The following PRUNE2 variants were observed in gnomAD, a reference collection of about 807,000 sequenced individuals.
PRUNE2 encodes the protein protein prune homolog 2.
PRUNE2 carries 164 observed loss-of-function variants against 252.0 expected under a neutral mutation model. The ratio of observed to expected loss-of-function variants is 0.65; its 90% CI spans 0.57 to 0.74. PRUNE2 has a LOEUF of 0.74. Ranked by LOEUF, PRUNE2 falls within the 30% of genes least tolerant of loss-of-function variation. The pLI, the probability that PRUNE2 is intolerant of heterozygous loss-of-function variation, is 0.00. For missense variants in PRUNE2, 3,495 were observed against 3,711.0 expected (o/e 0.94, Z 1.51); for synonymous variants, 1,292 against 1,350.2 (o/e 0.96, Z 0.94).
At chr9:76,838,906 C>T (rs2059223614) in intron 4 of PRUNE2, among the ~76,000 whole-genome samples, 1 of 152,126 alleles carries the variant, frequency 6.6e-6, no homozygotes, top group Non-Finnish European at 1.5e-5. Context: ...TCCTTTTATA[C>T]ACATGTTTTG....
intron 9 of PRUNE2, among the ~76,000 whole-genome samples, chr9:76,697,368 G>A (rs903899363): frequency 3.3e-5 from 5 of 152,234 alleles, no homozygotes; most frequent in African/African-American, 7.2e-5. Context: ...TTTGGAAAAC[G>A]TAAATGAACA....
chr9:76,640,427 A>G (rs1204692816), intron 12 of PRUNE2, among the ~76,000 whole-genome samples: 1 of 152,242 alleles, frequency 6.6e-6, no homozygotes, highest in Non-Finnish European at 1.5e-5. Flanking sequence ...AGTTGTATAC[A>G]GTATTTATAC....
intron 1 of PRUNE2, among the ~76,000 whole-genome samples, chr9:76,865,805 C>CTACACACACA (rs2060802773): frequency 9.3e-6 from 1 of 107,876 alleles, no homozygotes; most frequent in Admixed American, 9.1e-5. Context: ...CTCTCTCTCC[C>CTACACACACA]TACACACACA....
intron 6 of PRUNE2, among the ~76,000 whole-genome samples, chr9:76,730,910 A>G (rs921389719): frequency 6.6e-6 from 1 of 152,226 alleles, no homozygotes; most frequent in Admixed American, 6.5e-5. Context: ...TCAAAAAAAT[A>G]AAGAGACGAA....
chr9:76,837,025 A>T (rs760529181), intron 4 of PRUNE2, among the ~76,000 whole-genome samples: 7 of 152,258 alleles, frequency 4.6e-5, no homozygotes, highest in Non-Finnish European at 8.8e-5. Context: ...AAGACTAAAA[A>T]GATTCAAATA....
intron 10 of PRUNE2, among the ~76,000 whole-genome samples, chr9:76,654,349 C>G (rs1172254377): frequency 1.3e-5 from 2 of 152,146 alleles, no homozygotes; most frequent in Non-Finnish European, 2.9e-5. Context: ...TTTTTCTTTT[C>G]TGAATGGAAC....
At chr9:76,863,430 T>C (rs879828187) in intron 1 of PRUNE2, 9 of 152,236 alleles carry the variant, frequency 5.9e-5, no homozygotes, top group East Asian at 1.9e-4. Context: ...TATTTGTGAA[T>C]TTTTCTCTGT....
intron 6 of PRUNE2, among the ~76,000 whole-genome samples, chr9:76,797,413 T>C (rs1272966019): frequency 6.6e-6 from 1 of 152,208 alleles, no homozygotes; most frequent in Non-Finnish European, 1.5e-5. Flanking sequence ...TTAGTTTTCT[T>C]TTCTTGGTAA....
At chr9:76,830,667 A>G (rs1237947644) in intron 4 of PRUNE2, among the ~76,000 whole-genome samples, 1 of 148,898 alleles carries the variant, frequency 6.7e-6, no homozygotes, top group Non-Finnish European at 1.5e-5. Context: ...CAAAAAAAGA[A>G]AAAAAAAAAA....
chr9:76,865,511 A>G (rs1347383926), intron 1 of PRUNE2, among the ~76,000 whole-genome samples: 1 of 152,228 alleles, frequency 6.6e-6, no homozygotes, highest in Non-Finnish European at 1.5e-5. Flanking sequence ...GCCAACTGAG[A>G]TCCTCAGGCC....
At chr9:76,682,377 T>TG (rs2043554353) in intron 9 of PRUNE2, among the ~76,000 whole-genome samples, 1 of 150,928 alleles carries the variant, frequency 6.6e-6, no homozygotes, top group African/African-American at 2.4e-5. Flanking sequence ...TTTTTTTTTT[T>TG]TGAGTTGGAG....
At chr9:76,767,623 T>G (rs1189151322) in intron 6 of PRUNE2, among the ~76,000 whole-genome samples, 5 of 152,190 alleles carry the variant, frequency 3.3e-5, no homozygotes, top group African/African-American at 9.7e-5. Context: ...TTCCCTACCT[T>G]CTTTGTTGAC....
chr9:76,764,998 G>A (rs950210048), intron 6 of PRUNE2, among the ~76,000 whole-genome samples: 2 of 152,152 alleles, frequency 1.3e-5, no homozygotes, highest in Non-Finnish European at 2.9e-5. Flanking sequence ...AAAGTCAAAG[G>A]TTCTGTTTAG....
rs565732589 is a variant in PRUNE2, at chr9:76,799,750, A to G, written c.756+23882T>C. Among the ~76,000 whole-genome samples, 17 of 152,322 alleles carry G rather than the reference A, an allele frequency of 1.1e-4. No homozygotes were observed. In the South Asian group the frequency reaches 3.5e-3, roughly 32 times the overall value. ...TGTAGATATCTTTATAGATACCATAAAACTCTGTTTTGTTTAGTAGCAATT... is the reference window on the plus strand; with the variant it reads ...TGTAGATATCTTTATAGATACCATAGAACTCTGTTTTGTTTAGTAGCAATT... On this transcript the variant is annotated intron_variant, in intron 6 of 18. Transcript: ENST00000376718.
intron 6 of PRUNE2, among the ~76,000 whole-genome samples, chr9:76,789,687 G>C (rs1238312841): frequency 1.3e-5 from 2 of 152,208 alleles, no homozygotes; most frequent in Non-Finnish European, 2.9e-5. Context: ...ATGGCTGGGA[G>C]ACAGGGCTAT....
intron 6 of PRUNE2, among the ~76,000 whole-genome samples, chr9:76,747,091 G>A (rs1226367927): frequency 1.3e-5 from 2 of 152,156 alleles, no homozygotes; most frequent in Admixed American, 1.3e-4. Flanking sequence ...CTTAACTTGA[G>A]GGATCTGCTG....
intron 6 of PRUNE2, among the ~76,000 whole-genome samples, chr9:76,792,650 G>A (rs1485895125): frequency 6.6e-6 from 1 of 152,130 alleles, no homozygotes; most frequent in Non-Finnish European, 1.5e-5. Context: ...TGTACATTTT[G>A]TCCACTACTT....
intron 11 of PRUNE2, among the ~76,000 whole-genome samples, chr9:76,651,314 A>C (rs887773677): frequency 2.0e-5 from 3 of 152,178 alleles, no homozygotes; most frequent in Non-Finnish European, 4.4e-5. Flanking sequence ...GTCAAGGTAG[A>C]GTCTGAACTG....
Position 76,624,496 on chromosome 9 carries a change from G to T in PRUNE2, c.9150-6C>A. 7.1e-7 allele frequency: 1 copy of T among 1,418,070 alleles called. No homozygotes were observed. The highest frequency in any genetic ancestry group is 9.2e-7 in the Non-Finnish European group (1 of 1,081,632). 87.8% of individuals were successfully genotyped at this position (1,418,070 alleles called of 1,614,324 possible). The stretch of plus-strand genomic sequence containing the variant: ...CCCTCAGTTCTTCATCCAGTCTGCA[G>T]GAGCAAAAATTATTGGTGTGGAAAA... On this transcript the variant is annotated splice_polypyrimidine_tract_variant and splice_region_variant and intron_variant, in intron 16 of 18. Coordinates refer to ENST00000376718, the MANE Select transcript of PRUNE2 (RefSeq NM_015225.3).
Sources: allele counts gnomAD v4.1 joint callset (sites outside exome capture counted in the v4.1 genomes callset), GRCh38; gene constraint gnomAD v4.1.1; transcripts MANE v1.5; gene names NCBI Gene and HGNC (gene_info 2026-07-23, HGNC 2026-07-21).